CLIP4: variants seen among roughly 807,000 people sequenced by gnomAD.
The protein encoded by CLIP4 is CAP-Gly domain-containing linker protein 4.
Under a neutral mutation model 73.1 loss-of-function variants are expected in CLIP4, and 47 were observed. The ratio of observed to expected loss-of-function variants is 0.64; its 90% CI spans 0.51 to 0.82. The LOEUF (loss-of-function observed/expected upper bound fraction) is 0.82. Among genes scored for constraint, CLIP4 ranks in the 40% least tolerant of loss-of-function variants. CLIP4 has a pLI of 0.00. For missense variants in CLIP4, 874 were observed against 852.9 expected, an observed-to-expected ratio of 1.02 and a Z score of -0.31; for synonymous variants, 306 against 295.4, an observed-to-expected ratio of 1.04 and a Z score of -0.37.
chr2:29,123,792 T>A (rs1664420280), intron 2 of CLIP4, among the ~76,000 whole-genome samples: 1 of 152,058 alleles, frequency 6.6e-6, no homozygotes, highest in Non-Finnish European at 1.5e-5. Context: ...AACTAATGAG[T>A]GTAAAACAAA....
rs568784557 is a variant in CLIP4 at position 29,160,339 on chromosome 2, A to G, written c.1406A>G (p.Asn469Ser). The G allele has an allele frequency of 8.7e-6, 14 of 1,614,040 alleles. No homozygotes were observed. In the South Asian group the frequency reaches 1.3e-4, roughly 15 times the overall value. The change falls in exon 12 of 16, where the codon AAT becomes AGT. Residue 469 changes from asparagine to serine, a missense_variant. Asn to Ser is a conservative substitution (Grantham distance 46). Transcript: ENST00000320081. ...CCCTCCCTGACTTAAACAGGTTTGA[A>G]TTCCTCAGCAACATCTACAGCAAAT... ...SLSSRASAGL[N>S]SSATSTANNS... is the part of the protein sequence containing the mutation.
At chr2:29,106,059 T>A (rs1438700579) in intron 1 of CLIP4, among the ~76,000 whole-genome samples, 2 of 151,442 alleles carry the variant, frequency 1.3e-5, no homozygotes, top group African/African-American at 4.8e-5. Context: ...ATTTAATCTT[T>A]TTTTTTTTTT....
intron 4 of CLIP4, among the ~76,000 whole-genome samples, chr2:29,133,211 A>T (rs75013952): frequency 6.6e-6 from 1 of 152,170 alleles, no homozygotes; most frequent in Non-Finnish European, 1.5e-5. Context: ...AATAAAAGGC[A>T]TAAGACTACA....
chr2:29,130,079 G>A (rs1664866921), intron 2 of CLIP4: 1 of 468,814 alleles, frequency 2.1e-6, no homozygotes, highest in Admixed American at 2.4e-5. Context: ...CAGCATAATT[G>A]GAGAGTTCTA....
At chr2:29,175,968 A>C (rs558338462) in intron 15 of CLIP4, among the ~76,000 whole-genome samples, 48 of 152,290 alleles carry the variant, frequency 3.2e-4, no homozygotes, top group African/African-American at 1.1e-3. Context: ...TCACTGTGTT[A>C]GCCAGGATGG....
chr2:29,136,745 T>A (rs551218677), intron 6 of CLIP4, among the ~76,000 whole-genome samples: 86 of 152,136 alleles, frequency 5.7e-4, no homozygotes, highest in African/African-American at 2.0e-3. Flanking sequence ...GAGAGTAGCG[T>A]GCAAGAAGCC....
At chr2:29,153,263 AAGTTCTATGGAAGAACTATGGAAG>A (rs1666702013) in intron 9 of CLIP4, among the ~76,000 whole-genome samples, 1 of 152,054 alleles carries the variant, frequency 6.6e-6, no homozygotes, top group Non-Finnish European at 1.5e-5. Context: ...TGAACTATGG[AAGTTCTATGGAAGAACTATGGAAG>A]AGTTCTATGG....
intron 1 of CLIP4, among the ~76,000 whole-genome samples, chr2:29,107,530 C>T (rs746028543): frequency 1.5e-4 from 22 of 151,126 alleles, no homozygotes; most frequent in Middle Eastern, 3.4e-3. Context: ...TGCTACCATG[C>T]CCGGCTAATT....
At chr2:29,130,778 T>G (rs187737324) in intron 2 of CLIP4, 10 of 1,285,170 alleles carry the variant, frequency 7.8e-6, no homozygotes, top group Non-Finnish European at 1.0e-5. Context: ...AAGAACTATG[T>G]GTACATAGTA....
intron 6 of CLIP4, among the ~76,000 whole-genome samples, chr2:29,140,210 C>T (rs1424301866): frequency 6.6e-6 from 1 of 152,110 alleles, no homozygotes; most frequent in Non-Finnish European, 1.5e-5. Flanking sequence ...GGTATATCTC[C>T]TAAAGCTATC....
chr2:29,160,588 C>T, intron 12 of CLIP4, 121 bp downstream of exon 12: 3 of 1,071,070 alleles, frequency 2.8e-6, no homozygotes, highest in Non-Finnish European at 4.0e-6. Flanking sequence ...TGGATGGCAG[C>T]TATAGTACAG....
chr2:29,130,481 C>T, intron 2 of CLIP4: 1 of 278,392 alleles, frequency 3.6e-6, no homozygotes, highest in Non-Finnish European at 6.4e-6. Context: ...TCATGCTGAC[C>T]AAGAAATGAA....
In CLIP4 at chr2:29,148,852, A is replaced by G. The variant is rs1449824040; in HGVS notation, c.1021+3485A>G. On this transcript the variant is annotated intron_variant, in intron 8 of 15. Coordinates refer to ENST00000320081, the MANE Select transcript of CLIP4 (RefSeq NM_024692.6). Reference sequence around the variant, plus strand: ...TTGTTTTTGGTATAGCCTGTCCTTCAGTAGCTTTCTGACAAAGGACTCATG... The same window carrying G: ...TTGTTTTTGGTATAGCCTGTCCTTCGGTAGCTTTCTGACAAAGGACTCATG... Among the ~76,000 whole-genome samples, 5 of 152,220 alleles carry G rather than the reference A, an allele frequency of 3.3e-5. No individual in the cohort carries two copies. The East Asian group carries it at 9.6e-4, about 29-fold the overall frequency.
intron 6 of CLIP4, among the ~76,000 whole-genome samples, chr2:29,141,531 T>C (rs1007524804): frequency 6.6e-6 from 1 of 152,226 alleles, no homozygotes; most frequent in Non-Finnish European, 1.5e-5. Context: ...ATATTTAGGA[T>C]AGTTAAGTCT....
At chr2:29,145,925 G>C (rs1666133270) in intron 8 of CLIP4, among the ~76,000 whole-genome samples, 1 of 152,132 alleles carries the variant, frequency 6.6e-6, no homozygotes. Context: ...CAGGTTATCT[G>C]CCCACCTTGG....
intron 1 of CLIP4, among the ~76,000 whole-genome samples, chr2:29,101,498 C>G (rs1668048422): frequency 6.6e-6 from 1 of 152,082 alleles, no homozygotes; most frequent in Non-Finnish European, 1.5e-5. Context: ...CTTAGCCAGT[C>G]TAGCCTTTCA....
At chr2:29,153,612 CAT>C (rs1293847789) in intron 9 of CLIP4, among the ~76,000 whole-genome samples, 1 of 152,092 alleles carries the variant, frequency 6.6e-6, no homozygotes, top group Admixed American at 6.6e-5. Flanking sequence ...TTAACTGAAC[CAT>C]GAGAGTAAAT....
intron 1 of CLIP4, among the ~76,000 whole-genome samples, chr2:29,106,056 C>CTTTTTTTT (rs34819898): frequency 6.9e-6 from 1 of 144,908 alleles, no homozygotes; most frequent in African/African-American, 2.5e-5. Context: ...AGCATTTAAT[C>CTTTTTTTT]TTTTTTTTTT....
chr2:29,140,334 G>T (rs1665674085), intron 6 of CLIP4, among the ~76,000 whole-genome samples: 1 of 151,878 alleles, frequency 6.6e-6, no homozygotes, highest in Admixed American at 6.6e-5. Context: ...GCGGTGTTTG[G>T]TTTTTTGTCC....
Sources: allele counts gnomAD v4.1 joint callset (sites outside exome capture counted in the v4.1 genomes callset), GRCh38; gene constraint gnomAD v4.1.1; transcripts MANE v1.5; gene names NCBI Gene and HGNC (gene_info 2026-07-23, HGNC 2026-07-21).